Variants in FBN2 observed in about 807,000 individuals in gnomAD.
The protein encoded by FBN2 is fibrillin-2.
A neutral mutation model predicts 355.6 loss-of-function variants in FBN2; 105 were observed. The observed-to-expected ratio is 0.30, with a 90% confidence interval of 0.25 to 0.35. The LOEUF is 0.35. Ranked by LOEUF, FBN2 falls within the 10% of genes least tolerant of loss-of-function variation. The pLI, the probability that FBN2 is intolerant of heterozygous loss-of-function variation, is 1.00. For missense variants in FBN2, 3,280 were observed against 3,758.7 expected, an observed-to-expected ratio of 0.87 and a Z score of 3.33; for synonymous variants, 1,350 against 1,301.2, an observed-to-expected ratio of 1.04 and a Z score of -0.81.
chr5:128,533,301 C>T (rs1756754692), intron 2 of FBN2, among the ~76,000 whole-genome samples: 1 of 152,130 alleles, frequency 6.6e-6, no homozygotes, highest in African/African-American at 2.4e-5. Flanking sequence ...GGTTCCAAAC[C>T]AAATGAAGGT....
At chr5:128,340,835 C>CTA (rs57207666) in intron 25 of FBN2, among the ~76,000 whole-genome samples, 13,774 of 150,882 alleles carry the variant, frequency 0.091, 752 homozygotes, top group Admixed American at 0.17. Context: ...CTCTCTCTCT[C>CTA]TATATATATA....
intron 58 of FBN2, among the ~76,000 whole-genome samples, 155 bp from the exon 59 acceptor site, chr5:128,276,315 T>C (rs1271864467): frequency 2.0e-5 from 3 of 152,214 alleles, no homozygotes; most frequent in African/African-American, 7.2e-5. Flanking sequence ...GGATTTTTTC[T>C]AAAGTAACAT....
intron 39 of FBN2, 70 bp from the exon 40 acceptor site, chr5:128,310,178 C>A (rs1749995001): frequency 7.6e-7 from 1 of 1,318,708 alleles, no homozygotes; most frequent in Non-Finnish European, 1.1e-6. Context: ...ACTTAGATGA[C>A]TGAACAAAGC....
At chr5:128,302,088 G>A (rs369310915) in intron 46 of FBN2, among the ~76,000 whole-genome samples, 1 of 152,136 alleles carries the variant, frequency 6.6e-6, no homozygotes, top group African/African-American at 2.4e-5. Context: ...GAAGGCAGCA[G>A]TTGAATAAAA....
At chr5:128,502,613 T>C (rs1755848839) in intron 5 of FBN2, among the ~76,000 whole-genome samples, 1 of 152,102 alleles carries the variant, frequency 6.6e-6, no homozygotes, top group Admixed American at 6.5e-5. Flanking sequence ...CAATAAAAGA[T>C]ATCATACTTA....
chr5:128,347,337 A>T (rs561360982), intron 23 of FBN2, among the ~76,000 whole-genome samples: 10 of 152,350 alleles, frequency 6.6e-5, no homozygotes, highest in Non-Finnish European at 1.2e-4. Flanking sequence ...CGGCAATTAA[A>T]AGTCAGCACA....
chr5:128,465,756 A>T (rs1754695334), intron 5 of FBN2, among the ~76,000 whole-genome samples: 1 of 152,202 alleles, frequency 6.6e-6, no homozygotes, highest in African/African-American at 2.4e-5. Flanking sequence ...AATGTATGGC[A>T]TGTGTGATAC....
At chr5:128,290,228 C>A (rs1749282634) in intron 50 of FBN2, among the ~76,000 whole-genome samples, 1 of 152,198 alleles carries the variant, frequency 6.6e-6, no homozygotes, top group Non-Finnish European at 1.5e-5. Flanking sequence ...CAGAAGCCAT[C>A]CCTAACCCAG....
chr5:128,279,265 A>G (rs1486991273), intron 56 of FBN2, among the ~76,000 whole-genome samples: 2 of 152,196 alleles, frequency 1.3e-5, no homozygotes, highest in Non-Finnish European at 2.9e-5. Flanking sequence ...TATTTTCTAC[A>G]TCTGAAAGAC....
intron 45 of FBN2, among the ~76,000 whole-genome samples, chr5:128,303,833 A>AT (rs557938744): frequency 1.3e-4 from 19 of 151,412 alleles, no homozygotes; most frequent in South Asian, 4.2e-4. Flanking sequence ...TAAATCTCAT[A>AT]TTTTTTTTTG....
At chr5:128,370,225 G>T (rs1357825252) in intron 15 of FBN2, among the ~76,000 whole-genome samples, 1 of 152,080 alleles carries the variant, frequency 6.6e-6, no homozygotes, top group Non-Finnish European at 1.5e-5. Context: ...AAAAAACTCA[G>T]ATCATAAAGG....
chr5:128,332,265 C>G (rs1453021282), intron 32 of FBN2, among the ~76,000 whole-genome samples: 1 of 152,116 alleles, frequency 6.6e-6, no homozygotes, highest in African/African-American at 2.4e-5. Context: ...GAAATTCTTA[C>G]TAGTTGGAAA....
At chr5:128,347,038 A>ATAGC (rs1416479252) in intron 23 of FBN2, among the ~76,000 whole-genome samples, 1 of 152,176 alleles carries the variant, frequency 6.6e-6, no homozygotes, top group African/African-American at 2.4e-5. Context: ...TAGTCTCCTT[A>ATAGC]TAGCTGGTTC....
At chr5:128,348,885 ACT>A (rs1189856758) in intron 23 of FBN2, among the ~76,000 whole-genome samples, 3 of 152,120 alleles carry the variant, frequency 2.0e-5, no homozygotes, top group Non-Finnish European at 2.9e-5. Context: ...GAAAACTTAA[ACT>A]CTAATAGCAA....
chr5:128,536,558 A>C lies in FBN2; in HGVS notation c.255-74T>G, dbSNP rs1003178602. ...CAACATATAAACGGTCTTCGTAAGCAATGCCCCGAGCGAGTAGATTTCAGG... is the reference window on the plus strand; with the variant it reads ...CAACATATAAACGGTCTTCGTAAGCCATGCCCCGAGCGAGTAGATTTCAGG... On this transcript the variant is annotated intron_variant, in intron 1 of 64. Transcript: ENST00000262464. The C allele has an allele frequency of 3.6e-5, 37 of 1,015,230 alleles. No individual in the cohort carries two copies. In the African/African-American group the frequency reaches 5.5e-4, roughly 15 times the overall value. The allele number at this position is 1,015,230 out of a possible 1,614,324, so 62.9% of individuals were successfully genotyped here.
intron 59 of FBN2, among the ~76,000 whole-genome samples, chr5:128,275,774 A>G (rs1012389919): frequency 6.6e-6 from 1 of 152,182 alleles, no homozygotes; most frequent in African/African-American, 2.4e-5. Context: ...ATCTCTTCCC[A>G]TACCAAAACT....
chr5:128,282,792 C>T lies in FBN2; in HGVS notation c.7013-2475G>A, dbSNP rs149065436. On this transcript the variant is annotated intron_variant, in intron 55 of 64. Coordinates refer to ENST00000262464, the MANE Select transcript of FBN2 (RefSeq NM_001999.4). ...GGGCTGCAGCAGGATTGTCAATTAT[C>T]GACCTTTCCATTGTCCATCACTCTT... 2.3e-3 allele frequency among the ~76,000 whole-genome samples: 346 copies of T among 152,216 alleles called. 1 individual carries two copies. Among genetic ancestry groups the T allele is most frequent in the African/African-American group, 8.1e-3 (336 of 41,536 alleles).
At chr5:128,272,357 C>T (rs1177869540) in intron 61 of FBN2, among the ~76,000 whole-genome samples, 1 of 151,696 alleles carries the variant, frequency 6.6e-6, no homozygotes, top group African/African-American at 2.4e-5. Flanking sequence ...CACGGCATGT[C>T]AGTGCTCTAA....
In FBN2 at chr5:128,328,773, C is replaced by A; in HGVS notation, c.4394G>T (p.Cys1465Phe). Residue 1465 changes from cysteine (C) to phenylalanine (F), a missense_variant, in exon 34 of 65, where the codon TGC becomes TTC. Transcript: ENST00000262464. ...ENINLCENGQCLNVPGAYRCE... is the reference protein window; with the variant it reads ...ENINLCENGQFLNVPGAYRCE... Reference sequence around the variant, plus strand: ...GCGATATGCACCCGGGACATTAAGGCACTGTCCGTTCTCACAGAGGTTTAT... The same window carrying A: ...GCGATATGCACCCGGGACATTAAGGAACTGTCCGTTCTCACAGAGGTTTAT... The A allele has an allele frequency of 6.2e-7, 1 of 1,613,986 alleles. No homozygotes were observed. The highest frequency in any genetic ancestry group is 8.5e-7 in the Non-Finnish European group (1 of 1,179,846).
Sources: allele counts gnomAD v4.1 joint callset (sites outside exome capture counted in the v4.1 genomes callset), GRCh38; gene constraint gnomAD v4.1.1; transcripts MANE v1.5; gene names NCBI Gene and HGNC (gene_info 2026-07-23, HGNC 2026-07-21).